Variants in ONECUT3 observed in about 807,000 individuals in gnomAD.
The protein encoded by ONECUT3 is one cut domain family member 3.
In ONECUT3, 11 loss-of-function variants were observed where a neutral mutation model predicts 16.8. That is an observed-to-expected ratio of 0.66 (90% CI 0.41 to 1.09). The LOEUF (loss-of-function observed/expected upper bound fraction) is 1.09. Among genes scored for constraint, ONECUT3 ranks in the 50% least tolerant of loss-of-function variants. ONECUT3 has a pLI of 0.00. For missense variants in ONECUT3, 637 were observed against 629.9 expected (o/e 1.01, Z -0.12); for synonymous variants, 344 against 310.7 (o/e 1.11, Z -1.13).
Position 1,764,973 on chromosome 19 carries a change from A to G in ONECUT3, c.1192+10119A>G, listed in dbSNP as rs1026108088. Among the ~76,000 whole-genome samples, 1 of 151,788 alleles carries G rather than the reference A, an allele frequency of 6.6e-6. No individual in the cohort carries two copies. The highest frequency in any genetic ancestry group is 1.9e-4 in the East Asian group (1 of 5,176). ...ATTGAATTGTCTGCTCCCTGAAGCCAGAGGTGGCTGAGGGAGGGGATCTCC... is the reference window on the plus strand; with the variant it reads ...ATTGAATTGTCTGCTCCCTGAAGCCGGAGGTGGCTGAGGGAGGGGATCTCC... On this transcript the variant is annotated intron_variant, in intron 1 of 1. Transcript: ENST00000382349. This position sits in a 1 kb window ranked among gnomAD's most constrained non-coding sequence, Gnocchi z 5.0.
At chr19:1,769,955 G>T (rs539131934) in intron 1 of ONECUT3, among the ~76,000 whole-genome samples, 1 of 152,230 alleles carries the variant, frequency 6.6e-6, no homozygotes, top group Admixed American at 6.5e-5. Flanking sequence ...GGAAAGGGAC[G>T]ATATGCATCC....
At chr19:1,773,445 G>A (rs770437283) in intron 1 of ONECUT3, among the ~76,000 whole-genome samples, 14 of 152,220 alleles carry the variant, frequency 9.2e-5, no homozygotes, top group Non-Finnish European at 1.6e-4. Flanking sequence ...GGGTGAACCT[G>A]TTGTCCCCGA....
chr19:1,769,849 G>A (rs1360154249), intron 1 of ONECUT3, among the ~76,000 whole-genome samples: 1 of 152,098 alleles, frequency 6.6e-6, no homozygotes, highest in African/African-American at 2.4e-5. Flanking sequence ...GACAAAACGG[G>A]AAGTTTTTTC....
In ONECUT3 at chr19:1,754,046, G is replaced by A; in HGVS notation, c.384G>A (p.Ala128=). 1 of 991,634 alleles carries A rather than the reference G, an allele frequency of 1.0e-6. No homozygotes were observed. The highest frequency in any genetic ancestry group is 5.1e-4 in the Middle Eastern group (1 of 1,944). 61.4% of individuals were successfully genotyped at this position (991,634 alleles called of 1,614,324 possible). ...TGGCCGACAAGTTCCACCAGCACGC[G>A]GCGGCCGCGGCCGTGGCCGGGGCGC... ...AAVADKFHQH[A]AAAAVAGAHG... Residue 128 remains alanine (A), a synonymous_variant, in exon 1 of 2, where the codon GCG becomes GCA. Coordinates refer to ENST00000382349, the MANE Select transcript of ONECUT3 (RefSeq NM_001080488.2). This position sits in a 1 kb window ranked among gnomAD's most constrained non-coding sequence, Gnocchi z 7.4.
rs2067905370 is a variant in ONECUT3, at chr19:1,754,391, C to T, written c.729C>T (p.Ala243=). The change falls in exon 1 of 2, where the codon GCC becomes GCT. Residue 243 remains alanine (A), a synonymous_variant. Transcript: ENST00000382349. The surrounding 1 kb of genome is among the most constrained non-coding windows in gnomAD (Gnocchi z 7.4). The part of the protein sequence containing the change: ...HLAGDKLLPP[A]AFEPHAALLG... The stretch of plus-strand genomic sequence containing the variant: ...CTGGGGACAAGCTGCTGCCGCCCGC[C>T]GCCTTCGAGCCGCACGCCGCGCTGC... 2 of 1,094,052 alleles carry T rather than the reference C, an allele frequency of 1.8e-6. No individual in the cohort carries two copies. Among genetic ancestry groups the T allele is most frequent in the Middle Eastern group, 4.2e-4 (1 of 2,402 alleles). The allele number at this position is 1,094,052 out of a possible 1,614,324, so 67.8% of individuals were successfully genotyped here.
intron 1 of ONECUT3, among the ~76,000 whole-genome samples, chr19:1,760,632 C>A (rs759915908): frequency 1.3e-5 from 2 of 151,634 alleles, no homozygotes; most frequent in Non-Finnish European, 2.9e-5. Flanking sequence ...GGGAGACCAC[C>A]GGAGACTCCC....
In ONECUT3 at chr19:1,766,359, C is replaced by G. The variant is rs1160925534; in HGVS notation, c.1193-8794C>G. On this transcript the variant is annotated intron_variant, in intron 1 of 1. Transcript: ENST00000382349. This position sits in a 1 kb window ranked among gnomAD's most constrained non-coding sequence, Gnocchi z 4.0. Reference sequence around the variant, plus strand: ...GCACCCACGGGCCCGCCTTCAGGGGCGAGGCGGATGCTGCATCCTGAAGCC... The same window carrying G: ...GCACCCACGGGCCCGCCTTCAGGGGGGAGGCGGATGCTGCATCCTGAAGCC... Among the ~76,000 whole-genome samples, 4 of 151,762 alleles carry G rather than the reference C, an allele frequency of 2.6e-5. No homozygotes were observed. Among genetic ancestry groups the G allele is most frequent in the African/African-American group, 7.2e-5 (3 of 41,394 alleles).
chr19:1,753,701 C>T lies in ONECUT3; in HGVS notation c.39C>T (p.Ser13=). 9.6e-7 allele frequency: 1 copy of T among 1,043,596 alleles called. No homozygotes were observed. The highest frequency in any genetic ancestry group is 1.2e-6 in the Non-Finnish European group (1 of 869,384). 64.6% of individuals were successfully genotyped at this position (1,043,596 alleles called of 1,614,324 possible). The change falls in exon 1 of 2, where the codon AGC becomes AGT. Residue 13 remains serine (S), a synonymous_variant. Coordinates refer to ENST00000382349, the MANE Select transcript of ONECUT3 (RefSeq NM_001080488.2). ...LSLESLGGLH[S]VAHAQAGELL... ...TGGAGAGCCTGGGGGGCCTGCACAGCGTGGCCCACGCGCAGGCGGGCGAGC... is the reference window on the plus strand; with the variant it reads ...TGGAGAGCCTGGGGGGCCTGCACAGTGTGGCCCACGCGCAGGCGGGCGAGC...
In ONECUT3 at chr19:1,759,659, G is replaced by A. The variant is rs2067935940; in HGVS notation, c.1192+4805G>A. ...ACAGTAGAGATAACCAAGGTTGGGG[G>A]CTTGGAGACCCGGGCCTTCCCTGGG... On this transcript the variant is annotated intron_variant, in intron 1 of 1. Transcript: ENST00000382349. This position sits in a 1 kb window ranked among gnomAD's most constrained non-coding sequence, Gnocchi z 4.1. Among the ~76,000 whole-genome samples, 1 of 152,350 alleles carries A rather than the reference G, an allele frequency of 6.6e-6. No homozygotes were observed. The highest frequency in any genetic ancestry group is 2.4e-5 in the African/African-American group (1 of 41,586).
At chr19:1,763,196 T>G (rs1036098094) in intron 1 of ONECUT3, among the ~76,000 whole-genome samples, 1 of 151,112 alleles carries the variant, frequency 6.6e-6, no homozygotes, top group South Asian at 2.1e-4. Flanking sequence ...AAACCCCATG[T>G]CTACTAAAAA....
chr19:1,758,925 GA>G lies in ONECUT3; in HGVS notation c.1192+4079del, dbSNP rs200223136. Among the ~76,000 whole-genome samples the G allele has an allele frequency of 1.3e-5, 2 of 152,086 alleles. No homozygotes were observed. The highest frequency in any genetic ancestry group is 2.9e-5 in the Non-Finnish European group (2 of 67,982). ...GAAAAGTATTTTTTGTAACTGATCA[GA>G]AAAAAAATACGTATATAGATAATAC... On this transcript the variant is annotated intron_variant, in intron 1 of 1. Coordinates refer to ENST00000382349, the MANE Select transcript of ONECUT3 (RefSeq NM_001080488.2). This position sits in a 1 kb window ranked among gnomAD's most constrained non-coding sequence, Gnocchi z 5.9.
chr19:1,766,595 G>A lies in ONECUT3; in HGVS notation c.1193-8558G>A, dbSNP rs894767492. On this transcript the variant is annotated intron_variant, in intron 1 of 1. Transcript: ENST00000382349. The surrounding 1 kb of genome is among the most constrained non-coding windows in gnomAD (Gnocchi z 4.0). ...AGGGAGGGTGAGTGGAAAAGGAGGG[G>A]TGAGGAGGAGGAGAGGGGATGGTCC... Among the ~76,000 whole-genome samples the A allele has an allele frequency of 2.6e-5, 4 of 151,116 alleles. No homozygotes were observed. Among genetic ancestry groups the A allele is most frequent in the African/African-American group, 7.3e-5 (3 of 41,198 alleles).
In ONECUT3 at chr19:1,754,100, C is replaced by A. The variant is rs1279762888; in HGVS notation, c.438C>A (p.His146Gln). Residue 146 changes from histidine to glutamine, a missense_variant, in exon 1 of 2, where the codon CAC becomes CAA. Physicochemically the swap from His to Gln is conservative, Grantham distance 24. Around this residue, in one of 3 missense-constraint regions of ONECUT3, gnomAD observed 419 missense variants for 377.9 expected, o/e 1.11. Coordinates refer to ENST00000382349, the MANE Select transcript of ONECUT3 (RefSeq NM_001080488.2). The surrounding 1 kb of genome is among the most constrained non-coding windows in gnomAD (Gnocchi z 7.4). ...GCGGCCATCCCCACGCGCACCCGCA[C>A]CCGGCGGCCGCGCCGCCCCCGCCAC... is the stretch of plus-strand genomic sequence containing the variant. ...AHGGHPHAHPHPAAAPPPPPP... is the reference protein window; with the variant it reads ...AHGGHPHAHPQPAAAPPPPPP... 42 of 1,016,450 alleles carry A rather than the reference C, an allele frequency of 4.1e-5. No individual in the cohort carries two copies. The highest frequency in any genetic ancestry group is 4.7e-5 in the Non-Finnish European group (40 of 853,062). 63.0% of individuals were successfully genotyped at this position (1,016,450 alleles called of 1,614,324 possible).
intron 1 of ONECUT3, among the ~76,000 whole-genome samples, chr19:1,757,868 C>T (rs1361359008): frequency 2.0e-5 from 3 of 152,172 alleles, no homozygotes; most frequent in Admixed American, 2.0e-4. Context: ...GGGAACTCTG[C>T]CCCCGCCCCG....
intron 1 of ONECUT3, among the ~76,000 whole-genome samples, chr19:1,763,736 T>TG (rs1555799412): frequency 2.7e-5 from 4 of 147,890 alleles, no homozygotes; most frequent in Non-Finnish European, 5.9e-5. Flanking sequence ...TTTTTTGTTT[T>TG]TTTTTTTTTT....
intron 1 of ONECUT3, among the ~76,000 whole-genome samples, chr19:1,757,555 C>T (rs532694520): frequency 6.6e-6 from 1 of 152,284 alleles, no homozygotes; most frequent in South Asian, 2.1e-4. Flanking sequence ...GGTCCGCTGC[C>T]CACGCCGTGG....
intron 1 of ONECUT3, among the ~76,000 whole-genome samples, chr19:1,770,499 A>G (rs1190391153): frequency 6.6e-6 from 1 of 152,228 alleles, no homozygotes; most frequent in Non-Finnish European, 1.5e-5. Flanking sequence ...CTCTTGACAC[A>G]AAGCTCTTGT....
At chr19:1,772,746 T>A (rs2068067423) in intron 1 of ONECUT3, among the ~76,000 whole-genome samples, 1 of 130,526 alleles carries the variant, frequency 7.7e-6, no homozygotes, top group Non-Finnish European at 1.6e-5. Context: ...CAGGCTGAAA[T>A]GCAATGGCAC....
At chr19:1,763,366 C>CGAATAAAAAAAAAA (rs2067956909) in intron 1 of ONECUT3, among the ~76,000 whole-genome samples, 1 of 36,794 alleles carries the variant, frequency 2.7e-5, no homozygotes, top group Non-Finnish European at 6.6e-5. Context: ...GACTCCATCT[C>CGAATAAAAAAAAAA]AAAAAAAAAA....
Sources: allele counts gnomAD v4.1 joint callset (sites outside exome capture counted in the v4.1 genomes callset), GRCh38; gene constraint gnomAD v4.1.1; regional missense constraint gnomAD v4.1.1; non-coding constraint Gnocchi (gnomAD v3.1); transcripts MANE v1.5; gene names NCBI Gene and HGNC (gene_info 2026-07-23, HGNC 2026-07-21).